Variants in UBXN7 observed in about 807,000 individuals in gnomAD.
UBXN7 encodes UBX domain protein 7, also known as UBX domain-containing protein 7.
In UBXN7, 9 loss-of-function variants were observed where a neutral mutation model predicts 58.0. That is an observed-to-expected ratio of 0.16 (90% CI 0.09 to 0.27). The LOEUF (loss-of-function observed/expected upper bound fraction) is 0.27, where lower values mean the gene tolerates loss of function less well. UBXN7 is among the 10% of genes least tolerant of loss of function. UBXN7 has a pLI of 1.00. For missense variants in UBXN7, 328 were observed against 599.6 expected (o/e 0.55, Z 4.73); for synonymous variants, 208 against 205.0 (o/e 1.01, Z -0.12).
At chr3:196,419,171 G>A (rs1339090589) in intron 1 of UBXN7, among the ~76,000 whole-genome samples, 1 of 152,132 alleles carries the variant, frequency 6.6e-6, no homozygotes, top group Non-Finnish European at 1.5e-5. Context: ...CAGCTACTAG[G>A]GAGGCCGAGG....
intron 1 of UBXN7, among the ~76,000 whole-genome samples, chr3:196,430,634 C>G (rs1731000490): frequency 6.6e-6 from 1 of 151,956 alleles, no homozygotes; most frequent in Non-Finnish European, 1.5e-5. Flanking sequence ...TGTGAATCTC[C>G]AGCCTCCGTC....
At chr3:196,418,514 C>A (rs1004387113) in intron 1 of UBXN7, among the ~76,000 whole-genome samples, 4 of 151,994 alleles carry the variant, frequency 2.6e-5, no homozygotes, top group Non-Finnish European at 5.9e-5. Context: ...AAAAGCAGTA[C>A]AATGAAGACA....
intron 1 of UBXN7, among the ~76,000 whole-genome samples, chr3:196,424,637 T>C (rs1426395418): frequency 6.6e-6 from 1 of 151,602 alleles, no homozygotes; most frequent in Non-Finnish European, 1.5e-5. Flanking sequence ...CCTTCCACCT[T>C]GGCATTCCAA....
At chr3:196,396,414 AT>A (rs1280812588) in intron 3 of UBXN7, among the ~76,000 whole-genome samples, 1 of 145,282 alleles carries the variant, frequency 6.9e-6, no homozygotes, top group African/African-American at 2.5e-5. Flanking sequence ...AAAAAAAAAA[AT>A]TAACTTTTTA....
intron 1 of UBXN7, among the ~76,000 whole-genome samples, chr3:196,409,717 G>A (rs933735363): frequency 5.3e-5 from 8 of 152,174 alleles, no homozygotes; most frequent in Admixed American, 2.6e-4. Flanking sequence ...TGCCAAGGTA[G>A]AAGCGTCCTA....
chr3:196,428,254 CA>C (rs1730911598), intron 1 of UBXN7, among the ~76,000 whole-genome samples: 1 of 151,842 alleles, frequency 6.6e-6, no homozygotes, highest in African/African-American at 2.4e-5. Context: ...TCTGACCATG[CA>C]AAAAAGGTTT....
intron 6 of UBXN7, among the ~76,000 whole-genome samples, chr3:196,370,104 C>CTG (rs1254697143): frequency 7.1e-6 from 1 of 141,082 alleles, no homozygotes; most frequent in Non-Finnish European, 1.5e-5. Context: ...CACTCCTGCC[C>CTG]AGCGACAATG....
At chr3:196,426,678 G>A (rs1298695792) in intron 1 of UBXN7, among the ~76,000 whole-genome samples, 9 of 151,734 alleles carry the variant, frequency 5.9e-5, no homozygotes, top group Admixed American at 3.3e-4. Context: ...GAGAAACCCC[G>A]TCTCTACTAA....
intron 6 of UBXN7, 105 bp from the exon 7 acceptor site, chr3:196,369,616 C>A: frequency 1.3e-6 from 1 of 774,362 alleles, no homozygotes; most frequent in East Asian, 2.6e-5. Context: ...ATACCTCCGG[C>A]CTATGTATTA....
At chr3:196,362,257 CTA>C in intron 9 of UBXN7, 35 bp downstream of exon 9, 2 of 1,547,702 alleles carry the variant, frequency 1.3e-6, no homozygotes, top group South Asian at 2.5e-5. Context: ...GCCCCAATAT[CTA>C]AGTTTGAAGT....
intron 5 of UBXN7, among the ~76,000 whole-genome samples, chr3:196,389,109 G>T (rs1469785677): frequency 6.6e-6 from 1 of 152,070 alleles, no homozygotes; most frequent in Non-Finnish European, 1.5e-5. Context: ...ACTGCATTAC[G>T]TCCTAGAGCA....
chr3:196,357,580 T>C (rs1397318903), intron 10 of UBXN7, among the ~76,000 whole-genome samples: 1 of 152,028 alleles, frequency 6.6e-6, no homozygotes. Context: ...GGAGACCAGC[T>C]GGGGCAACAT....
intron 1 of UBXN7, among the ~76,000 whole-genome samples, chr3:196,409,264 G>C (rs555722559): frequency 6.6e-6 from 1 of 152,006 alleles, no homozygotes; most frequent in Admixed American, 6.6e-5. Flanking sequence ...TCATCTGCTT[G>C]ATCATGTTTT....
intron 10 of UBXN7, among the ~76,000 whole-genome samples, chr3:196,359,776 G>A (rs772929368): frequency 2.0e-5 from 3 of 151,884 alleles, no homozygotes; most frequent in Non-Finnish European, 4.4e-5. Flanking sequence ...GTGGTGGTGG[G>A]CGCCTGTAAT....
chr3:196,430,868 TTAATA>T (rs1376050411), intron 1 of UBXN7, among the ~76,000 whole-genome samples: 1 of 152,158 alleles, frequency 6.6e-6, no homozygotes, highest in African/African-American at 2.4e-5. Context: ...CTTTACATAT[TTAATA>T]TAATAATCCA....
intron 1 of UBXN7, among the ~76,000 whole-genome samples, chr3:196,420,488 G>A (rs1391008309): frequency 2.0e-5 from 3 of 149,938 alleles, no homozygotes; most frequent in Non-Finnish European, 3.0e-5. Flanking sequence ...CCAAGATTGC[G>A]CCATTGCACT....
intron 1 of UBXN7, chr3:196,431,550 C>T (rs1449854038): frequency 6.3e-6 from 1 of 159,444 alleles, no homozygotes; most frequent in East Asian, 1.9e-4. Context: ...AAAGAAGTTT[C>T]TGCCGCCATC....
intron 1 of UBXN7, among the ~76,000 whole-genome samples, chr3:196,421,040 T>C (rs541950074): frequency 8.5e-5 from 13 of 152,134 alleles, no homozygotes; most frequent in Non-Finnish European, 1.5e-4. Flanking sequence ...GATATGGGAG[T>C]GGATGACAGT....
chr3:196,428,936 C>T (rs1339732033), intron 1 of UBXN7, among the ~76,000 whole-genome samples: 2 of 150,188 alleles, frequency 1.3e-5, no homozygotes, highest in Non-Finnish European at 2.9e-5. Flanking sequence ...ACTGGGAGGG[C>T]TGAGGCAAGA....
Sources: gnomAD v4.1 joint callset for allele counts (sites outside exome capture counted in the v4.1 genomes callset) on GRCh38, gnomAD v4.1.1 for gene constraint, MANE v1.5 for transcripts, NCBI Gene and HGNC (gene_info 2026-07-23, HGNC 2026-07-21) for gene names.